GRM8: variants seen among roughly 807,000 people sequenced by gnomAD.
GRM8 encodes metabotropic glutamate receptor 8.
A neutral mutation model predicts 87.2 loss-of-function variants in GRM8; 47 were observed. That is an observed-to-expected ratio of 0.54 (90% CI 0.43 to 0.69). GRM8 has a LOEUF of 0.69. Among genes scored for constraint, GRM8 ranks in the 30% least tolerant of loss-of-function variants. The pLI, the probability that GRM8 is intolerant of heterozygous loss-of-function variation, is 0.00. For synonymous variants in GRM8, 396 were observed against 404.5 expected (o/e 0.98, Z 0.25); for missense variants, 1,019 against 1,139.2 (o/e 0.89, Z 1.52).
chr7:127,246,310 A>G (rs566664268), intron 1 of GRM8, among the ~76,000 whole-genome samples: 11 of 152,320 alleles, frequency 7.2e-5, no homozygotes, highest in Admixed American at 2.0e-4. Flanking sequence ...ACAAATCACA[A>G]TCTTTCAGAG....
intron 8 of GRM8, among the ~76,000 whole-genome samples, chr7:126,551,175 C>T (rs1273441358): frequency 6.6e-6 from 1 of 152,066 alleles, no homozygotes; most frequent in East Asian, 1.9e-4. Flanking sequence ...CCTTTAGAAG[C>T]AATGTTTTAT....
intron 2 of GRM8, among the ~76,000 whole-genome samples, chr7:127,238,350 T>C (rs573911683): frequency 1.1e-4 from 16 of 151,362 alleles, no homozygotes; most frequent in African/African-American, 3.9e-4. Flanking sequence ...TAGGGTACAC[T>C]AGTGCATCTA....
chr7:126,500,994 A>G (rs1024029898), intron 9 of GRM8, among the ~76,000 whole-genome samples: 16 of 152,038 alleles, frequency 1.1e-4, no homozygotes, highest in Non-Finnish European at 2.1e-4. Flanking sequence ...ATTTTAGAAC[A>G]GTCCTTTATT....
At chr7:126,905,399 C>A (rs897432892) in intron 3 of GRM8, among the ~76,000 whole-genome samples, 2 of 152,142 alleles carry the variant, frequency 1.3e-5, no homozygotes, top group African/African-American at 4.8e-5. Flanking sequence ...AAGATCTCTG[C>A]CTCTGGGCTG....
intron 8 of GRM8, among the ~76,000 whole-genome samples, chr7:126,551,335 T>A (rs1792561237): frequency 6.6e-6 from 1 of 151,750 alleles, no homozygotes; most frequent in African/African-American, 2.4e-5. Flanking sequence ...CTGAACACTA[T>A]CACTATTATT....
At chr7:126,970,970 C>A (rs1194668723) in intron 3 of GRM8, among the ~76,000 whole-genome samples, 1 of 151,878 alleles carries the variant, frequency 6.6e-6, no homozygotes, top group Non-Finnish European at 1.5e-5. Flanking sequence ...CAATCAAGTT[C>A]ACTGTCTAAA....
intron 7 of GRM8, among the ~76,000 whole-genome samples, chr7:126,716,100 C>G (rs963685846): frequency 4.6e-5 from 7 of 152,142 alleles, no homozygotes; most frequent in Non-Finnish European, 1.0e-4. Context: ...CTTAATAATA[C>G]TCAGTTTGAC....
intron 6 of GRM8, among the ~76,000 whole-genome samples, chr7:126,881,012 T>C (rs1007414054): frequency 2.6e-5 from 4 of 152,236 alleles, no homozygotes; most frequent in Admixed American, 2.0e-4. Flanking sequence ...TATTTTCTTA[T>C]CTGTGCCTTT....
intron 2 of GRM8, among the ~76,000 whole-genome samples, chr7:127,214,636 G>A (rs28949576): frequency 3.0e-4 from 45 of 152,140 alleles, no homozygotes; most frequent in African/African-American, 9.4e-4. Context: ...AGGAAGTGCC[G>A]CACTTTTAAA....
At chr7:127,096,084 A>T (rs1426710769) in intron 3 of GRM8, among the ~76,000 whole-genome samples, 1 of 152,264 alleles carries the variant, frequency 6.6e-6, no homozygotes, top group Non-Finnish European at 1.5e-5. Context: ...AGTCATGTGA[A>T]GAAACAATAA....
At chr7:126,571,176 C>T (rs1190751702) in intron 8 of GRM8, among the ~76,000 whole-genome samples, 1 of 151,980 alleles carries the variant, frequency 6.6e-6, no homozygotes, top group Non-Finnish European at 1.5e-5. Flanking sequence ...TAAAGGAAAT[C>T]ATTACTAATA....
chr7:127,119,053 T>C (rs1346841179), intron 2 of GRM8, among the ~76,000 whole-genome samples: 1 of 152,176 alleles, frequency 6.6e-6, no homozygotes, highest in Non-Finnish European at 1.5e-5. Flanking sequence ...ACCAACAAAA[T>C]GGTCTGAGAC....
intron 3 of GRM8, among the ~76,000 whole-genome samples, chr7:126,936,343 T>A (rs1037384129): frequency 6.6e-6 from 1 of 152,160 alleles, no homozygotes; most frequent in African/African-American, 2.4e-5. Context: ...ATGGATAGGC[T>A]CCTTAGGAAA....
chr7:127,073,131 C>T (rs1251649264), intron 3 of GRM8, among the ~76,000 whole-genome samples: 3 of 152,106 alleles, frequency 2.0e-5, no homozygotes, highest in Non-Finnish European at 4.4e-5. Flanking sequence ...GAACAAACAC[C>T]ACCCGATTCC....
At chr7:127,119,301 C>T (rs1159938979) in intron 2 of GRM8, among the ~76,000 whole-genome samples, 1 of 152,116 alleles carries the variant, frequency 6.6e-6, no homozygotes, top group Admixed American at 6.6e-5. Context: ...ACCTGGCCAA[C>T]ATGGTGAAAC....
chr7:126,628,744 T>C (rs926425271), intron 7 of GRM8, among the ~76,000 whole-genome samples: 2 of 152,192 alleles, frequency 1.3e-5, no homozygotes, highest in African/African-American at 4.8e-5. Context: ...TGTTTAAATA[T>C]AGCTTTTTGT....
At chr7:126,507,060 G>C (rs548363169) in intron 9 of GRM8, among the ~76,000 whole-genome samples, 49 of 151,900 alleles carry the variant, frequency 3.2e-4, no homozygotes, top group Non-Finnish European at 6.3e-4. Flanking sequence ...CCAAATAAGT[G>C]GTCCTCCTAC....
At chr7:126,484,047 G>A (rs1275017333) in intron 9 of GRM8, among the ~76,000 whole-genome samples, 1 of 151,992 alleles carries the variant, frequency 6.6e-6, no homozygotes, top group Non-Finnish European at 1.5e-5. Flanking sequence ...TACCCTATCA[G>A]AAGGCCTCAA....
intron 7 of GRM8, among the ~76,000 whole-genome samples, chr7:126,732,740 T>G (rs1267405996): frequency 1.3e-5 from 2 of 152,116 alleles, no homozygotes; most frequent in Non-Finnish European, 2.9e-5. Context: ...CATTGTTAAA[T>G]TTTTTCAAGT....
Sources: allele counts gnomAD v4.1 joint callset (sites outside exome capture counted in the v4.1 genomes callset), GRCh38; gene constraint gnomAD v4.1.1; transcripts MANE v1.5; gene names NCBI Gene and HGNC (gene_info 2026-07-23, HGNC 2026-07-21).